Variants in ATP10B observed in about 807,000 individuals in gnomAD.
ATP10B encodes the protein ATPase phospholipid transporting 10B (putative).
ATP10B carries 122 observed loss-of-function variants against 141.2 expected under a neutral mutation model. That is an observed-to-expected ratio of 0.86 (90% confidence interval 0.75 to 1.00). The LOEUF (loss-of-function observed/expected upper bound fraction) is 1.00, where lower values mean the gene tolerates loss of function less well. Among genes scored for constraint, ATP10B ranks in the 50% least tolerant of loss-of-function variants. The probability of loss-of-function intolerance (pLI) is 0.00; values close to 1 mark genes in which losing one functional copy is unlikely to be tolerated. For missense variants in ATP10B, 1,876 were observed against 1,825.3 expected, an observed-to-expected ratio of 1.03 and a Z score of -0.51; for synonymous variants, 685 against 692.0, an observed-to-expected ratio of 0.99 and a Z score of 0.16.
chr5:160,658,291 T>A (rs188453517), intron 7 of ATP10B, among the ~76,000 whole-genome samples: 15 of 152,288 alleles, frequency 9.8e-5, no homozygotes, highest in Admixed American at 5.9e-4. Flanking sequence ...AGTGATTACC[T>A]GTGGGACACC....
At chr5:160,882,686 A>G in the ATP10B span, among the ~76,000 whole-genome samples, 1 of 152,184 alleles carries the variant, frequency 6.6e-6, no homozygotes, top group Non-Finnish European at 1.5e-5. Context: ...AATGTCATAA[A>G]ATTTGTCAAT....
chr5:160,760,843 C>G (rs1768973477), intron 2 of ATP10B, among the ~76,000 whole-genome samples: 1 of 152,164 alleles, frequency 6.6e-6, no homozygotes, highest in African/African-American at 2.4e-5. Flanking sequence ...ACACCCTTAT[C>G]CCCCACAGTG....
chr5:160,759,515 T>C (rs942081756), intron 2 of ATP10B, among the ~76,000 whole-genome samples: 1 of 152,218 alleles, frequency 6.6e-6, no homozygotes, highest in African/African-American at 2.4e-5. Context: ...TTTTTTAAGA[T>C]TGTTATTTCT....
At chr5:160,610,585 G>A (rs996674369) in intron 18 of ATP10B, among the ~76,000 whole-genome samples, 1 of 152,174 alleles carries the variant, frequency 6.6e-6, no homozygotes, top group African/African-American at 2.4e-5. Context: ...ATTAGCATAG[G>A]TAATGTACTA....
chr5:160,703,397 G>A (rs1252835172), intron 3 of ATP10B, among the ~76,000 whole-genome samples: 1 of 151,778 alleles, frequency 6.6e-6, no homozygotes. Flanking sequence ...ATACTTTATT[G>A]CTAATAAATG....
chr5:160,634,727 C>G (rs931740293), intron 11 of ATP10B, 121 bp from the exon 12 acceptor site: 3 of 1,083,650 alleles, frequency 2.8e-6, no homozygotes, highest in Admixed American at 5.7e-5. Context: ...GACAGACTCT[C>G]TGTGAAATTA....
chr5:160,650,155 T>C lies in ATP10B; in HGVS notation c.676-899A>G, dbSNP rs1243219794. On this transcript the variant is annotated intron_variant, in intron 7 of 25. Coordinates refer to ENST00000327245, the MANE Select transcript of ATP10B (RefSeq NM_025153.3). ...ATATACACACACACACACATACATA[T>C]ATATACATATATATACATACATATA... Among the ~76,000 whole-genome samples the C allele has an allele frequency of 7.8e-4, 113 of 145,210 alleles. 1 individual carries two copies. The highest frequency in any genetic ancestry group is 3.1e-3 in the African/African-American group (112 of 35,844).
At chr5:160,789,713 A>G (rs1464618312) in intron 1 of ATP10B, among the ~76,000 whole-genome samples, 4 of 152,130 alleles carry the variant, frequency 2.6e-5, no homozygotes, top group Non-Finnish European at 4.4e-5. Context: ...CAGGAAACAG[A>G]CTCAAGGAAG....
chr5:160,634,112 T>C, intron 12 of ATP10B: 1 of 627,400 alleles, frequency 1.6e-6, no homozygotes, highest in South Asian at 1.7e-5. Flanking sequence ...CAGACAAAGA[T>C]CAGCTGAAGG....
intron 15 of ATP10B, 59 bp downstream of exon 15, chr5:160,620,288 C>G: frequency 1.3e-6 from 2 of 1,534,544 alleles, no homozygotes; most frequent in Non-Finnish European, 1.8e-6. Context: ...TACCATTCCA[C>G]ACTGCTTCTT....
intron 20 of ATP10B, chr5:160,603,437 T>C (rs552688833): frequency 6.4e-6 from 1 of 155,400 alleles, no homozygotes; most frequent in Non-Finnish European, 1.4e-5. Context: ...ATTATGAGAC[T>C]TTTTTTGCAA....
chr5:160,772,480 G>C (rs896657961), intron 2 of ATP10B, among the ~76,000 whole-genome samples: 2 of 152,136 alleles, frequency 1.3e-5, no homozygotes, highest in Admixed American at 1.3e-4. Flanking sequence ...CCAACCTTTT[G>C]GCATCAGGTA....
intron 1 of ATP10B, among the ~76,000 whole-genome samples, chr5:160,815,345 T>C (rs189492583): frequency 3.5e-4 from 54 of 152,288 alleles, no homozygotes; most frequent in Middle Eastern, 3.4e-3. Context: ...AATCCTGGTC[T>C]CTGATAAAAC....
Position 160,565,424 on chromosome 5 carries a change from G to A in ATP10B, c.*29C>T. The A allele has an allele frequency of 1.2e-6, 2 of 1,607,190 alleles. No homozygotes were observed. The highest frequency in any genetic ancestry group is 1.7e-6 in the Non-Finnish European group (2 of 1,175,382). ...GTGGACCAGTGACTAGGTGGCCTCT[G>A]TTGAGTTTGTACAGATTTCTGCAGC... On this transcript the variant is annotated 3_prime_UTR_variant, in exon 26 of 26. Transcript: ENST00000327245.
rs1263758447 is a variant in ATP10B at position 160,565,481 on chromosome 5, C to T, written c.4358G>A (p.Arg1453His). 8 of 1,614,056 alleles carry T rather than the reference C, an allele frequency of 5.0e-6. No individual in the cohort carries two copies. The highest frequency in any genetic ancestry group is 5.9e-6 in the Non-Finnish European group (7 of 1,179,946). The change falls in exon 26 of 26, where the codon CGC becomes CAC. Residue 1453 changes from arginine (R) to histidine (H), a missense_variant. Transcript: ENST00000327245. ...TATGGTCAGTGAACTCTGGGATCGG[C>T]GATGGCTGCTCCTCTTTGAGCACCG... Reference protein sequence around the residue: ...MCRCSKRSSHRRSQSSLTI With the variant: ...MCRCSKRSSHHRSQSSLTI
intron 24 of ATP10B, among the ~76,000 whole-genome samples, chr5:160,588,629 T>C (rs1024393713): frequency 6.6e-6 from 1 of 152,190 alleles, no homozygotes; most frequent in African/African-American, 2.4e-5. Flanking sequence ...CTTGCTTCTA[T>C]CTTAAACTGC....
At chr5:160,897,132 C>G in the ATP10B span, among the ~76,000 whole-genome samples, 13 of 152,094 alleles carry the variant, frequency 8.5e-5, no homozygotes, top group African/African-American at 3.1e-4. Flanking sequence ...AAAAACAGTA[C>G]AAGATGATAA....
chr5:160,619,815 A>G (rs1758222505), intron 15 of ATP10B, among the ~76,000 whole-genome samples: 1 of 152,208 alleles, frequency 6.6e-6, no homozygotes. Flanking sequence ...AATAAAGAGG[A>G]ACACCTGAGG....
chr5:160,877,637 C>T, the ATP10B span, among the ~76,000 whole-genome samples: 2 of 150,046 alleles, frequency 1.3e-5, no homozygotes, highest in Admixed American at 1.3e-4. Context: ...TAGAAAACCC[C>T]ATTGTCTCAG....
Sources: allele counts gnomAD v4.1 joint callset (sites outside exome capture counted in the v4.1 genomes callset), GRCh38; gene constraint gnomAD v4.1.1; transcripts MANE v1.5; gene names NCBI Gene and HGNC (gene_info 2026-07-23, HGNC 2026-07-21).